DIAPH2: variants seen among roughly 807,000 people sequenced by gnomAD.
DIAPH2 encodes diaphanous related formin 2.
A neutral mutation model predicts 92.7 loss-of-function variants in DIAPH2; 35 were observed. The observed-to-expected ratio is 0.38, with a 90% confidence interval of 0.29 to 0.50. The LOEUF is 0.50. DIAPH2 is among the 20% of genes least tolerant of loss of function. The probability of loss-of-function intolerance (pLI) is 0.94; values close to 1 mark genes in which losing one functional copy is unlikely to be tolerated. For synonymous variants in DIAPH2, 301 were observed against 280.4 expected (o/e 1.07, Z -0.73); for missense variants, 701 against 819.5 (o/e 0.86, Z 1.77).
chrX:97,465,860 G>A lies in DIAPH2; in HGVS notation c.3241+36115G>A, dbSNP rs148995019. Among the ~76,000 whole-genome samples the A allele has an allele frequency of 8.4e-3, 935 of 111,293 alleles. 4 individuals are homozygous for A. The highest frequency in any genetic ancestry group is 0.013 in the Non-Finnish European group (668 of 53,032). ...TTCACCATCACACCTGGCTAATTTT[G>A]TATTTTTAGTAGATATGGGGTTTCA... On this transcript the variant is annotated intron_variant, in intron 26 of 26. Transcript: ENST00000324765.
At chrX:97,538,039 C>T (rs2071110735) in intron 26 of DIAPH2, among the ~76,000 whole-genome samples, 2 of 109,358 alleles carry the variant, frequency 1.8e-5, no homozygotes, top group Non-Finnish European at 3.8e-5. Context: ...CGCCCGCCAC[C>T]GCACCCAGCT....
chrX:97,534,947 G>A (rs1352219936), intron 26 of DIAPH2, among the ~76,000 whole-genome samples: 2 of 110,460 alleles, frequency 1.8e-5, no homozygotes, highest in Admixed American at 9.7e-5. Context: ...CTAATTATGC[G>A]GAAATTGTCA....
chrX:97,175,539 A>AT (rs1284393402), intron 22 of DIAPH2, among the ~76,000 whole-genome samples: 1 of 112,289 alleles, frequency 8.9e-6, no homozygotes, highest in Non-Finnish European at 1.9e-5. Flanking sequence ...CTGCCTTTTG[A>AT]TTCTGCTAGC....
chrX:96,933,170 G>T (rs1351349145), intron 10 of DIAPH2, among the ~76,000 whole-genome samples: 18 of 110,009 alleles, frequency 1.6e-4, no homozygotes, highest in African/African-American at 5.9e-4. Context: ...AAGAGGTTGG[G>T]CATGTCCCCC....
At chrX:96,846,335 C>T (rs1208203280) in intron 4 of DIAPH2, among the ~76,000 whole-genome samples, 6 of 110,335 alleles carry the variant, frequency 5.4e-5, no homozygotes, top group South Asian at 7.9e-4. Flanking sequence ...TTAGCAGAGA[C>T]GGGGTTTCAC....
rs753162276 is a variant in DIAPH2, at chrX:96,834,318, T to C, written c.448-47261T>C. Among the ~76,000 whole-genome samples, 9 of 111,782 alleles carry C rather than the reference T, an allele frequency of 8.1e-5. No individual in the cohort carries two copies. The South Asian group carries it at 3.4e-3, about 42-fold the overall frequency. ...CAAAAAAATCTGACATCTGAAGCAG[T>C]TCTGGTCCCAAGCATTTCTAACAGG... is the stretch of plus-strand genomic sequence containing the variant. On this transcript the variant is annotated intron_variant, in intron 4 of 26. Transcript: ENST00000324765.
chrX:96,977,160 T>C (rs984641294), intron 17 of DIAPH2, among the ~76,000 whole-genome samples: 4 of 112,106 alleles, frequency 3.6e-5, no homozygotes, highest in African/African-American at 1.3e-4. Context: ...TAGTTCCACA[T>C]ATATTGTATT....
At chrX:97,188,951 C>T (rs948761367) in intron 22 of DIAPH2, among the ~76,000 whole-genome samples, 3 of 111,675 alleles carry the variant, frequency 2.7e-5, no homozygotes, top group African/African-American at 9.8e-5. Flanking sequence ...CTCTAGTAAT[C>T]CAATTGTGAA....
intron 4 of DIAPH2, among the ~76,000 whole-genome samples, chrX:96,773,479 A>G (rs748825741): frequency 1.5e-4 from 17 of 111,238 alleles, no homozygotes; most frequent in Non-Finnish European, 2.8e-4. Flanking sequence ...AAAGATGACC[A>G]TCTGTAAGCC....
At chrX:97,346,274 G>T (rs2069155331) in intron 23 of DIAPH2, among the ~76,000 whole-genome samples, 1 of 111,274 alleles carries the variant, frequency 9.0e-6, no homozygotes. Context: ...GTTTTAACAA[G>T]CCCTTTGGGC....
intron 26 of DIAPH2, among the ~76,000 whole-genome samples, chrX:97,538,578 A>C (rs2147855162): frequency 8.9e-6 from 1 of 111,747 alleles, no homozygotes; most frequent in Admixed American, 9.5e-5. Context: ...AATCCTTTTT[A>C]GGAAAAAAAA....
intron 7 of DIAPH2, 124 bp from the exon 8 acceptor site, chrX:96,916,314 T>A: frequency 3.6e-6 from 2 of 563,152 alleles, no homozygotes. Flanking sequence ...AGAATATTCA[T>A]ATAATTAGGT....
At chrX:96,793,625 A>G (rs754883292) in intron 4 of DIAPH2, 3 of 372,838 alleles carry the variant, frequency 8.0e-6, no homozygotes, top group East Asian at 1.5e-4. Flanking sequence ...GTATCCTCAC[A>G]TATTAGGAAG....
intron 15 of DIAPH2, among the ~76,000 whole-genome samples, chrX:96,957,145 C>T (rs971860739): frequency 3.7e-4 from 41 of 112,147 alleles, no homozygotes; most frequent in African/African-American, 1.3e-3. Context: ...CTCAGCCTCT[C>T]GAGTAGCCGG....
intron 20 of DIAPH2, among the ~76,000 whole-genome samples, chrX:97,100,506 CA>C: frequency 9.0e-6 from 1 of 111,000 alleles, no homozygotes; most frequent in East Asian, 2.8e-4. Context: ...AAAACAAAAA[CA>C]AAAAAATGGC....
intron 17 of DIAPH2, among the ~76,000 whole-genome samples, chrX:97,023,278 T>C (rs2066310089): frequency 9.0e-6 from 1 of 111,389 alleles, no homozygotes; most frequent in African/African-American, 3.3e-5. Context: ...ATTTTCTTTC[T>C]GTTTAACTTC....
chrX:97,122,998 A>C (rs999661406), intron 21 of DIAPH2, among the ~76,000 whole-genome samples: 2 of 111,941 alleles, frequency 1.8e-5, no homozygotes, highest in African/African-American at 6.5e-5. Flanking sequence ...ATAATTCATT[A>C]CCAGTGGATA....
intron 24 of DIAPH2, among the ~76,000 whole-genome samples, chrX:97,363,665 CAAAA>C (rs35245894): frequency 9.6e-3 from 170 of 17,793 alleles, no homozygotes; most frequent in African/African-American, 0.022. Flanking sequence ...GACTCTGCCT[CAAAA>C]AAAAAAAAAA....
At position 96,716,687 on chromosome X, in the gene DIAPH2, G is replaced by T. The variant is rs889555389; in HGVS notation, c.133-19071G>T. Among the ~76,000 whole-genome samples, 4 of 111,255 alleles carry T rather than the reference G, an allele frequency of 3.6e-5. No homozygotes were observed. In the Admixed American group the frequency reaches 3.8e-4, roughly 11 times the overall value. Reference sequence around the variant, plus strand: ...TAGTTTGCATTTTTGTCAGTTTTCTGGAAGAGTTGCCGTAGAATTGATGTT... The same window carrying T: ...TAGTTTGCATTTTTGTCAGTTTTCTTGAAGAGTTGCCGTAGAATTGATGTT... On this transcript the variant is annotated intron_variant, in intron 1 of 26. Coordinates refer to ENST00000324765, the MANE Select transcript of DIAPH2 (RefSeq NM_006729.5).
Sources: gnomAD v4.1 joint callset for allele counts (sites outside exome capture counted in the v4.1 genomes callset) on GRCh38, gnomAD v4.1.1 for gene constraint, MANE v1.5 for transcripts, NCBI Gene and HGNC (gene_info 2026-07-23, HGNC 2026-07-21) for gene names.